EPB41L4A: variants seen among roughly 807,000 people sequenced by gnomAD.
EPB41L4A encodes band 4.1-like protein 4A.
EPB41L4A carries 100 observed loss-of-function variants against 108.6 expected under a neutral mutation model. That is an observed-to-expected ratio of 0.92 (90% CI 0.78 to 1.09). The LOEUF (loss-of-function observed/expected upper bound fraction) is 1.09. Among genes scored for constraint, EPB41L4A ranks in the 50% least tolerant of loss-of-function variants. The probability of loss-of-function intolerance (pLI) is 0.00; values close to 1 mark genes in which losing one functional copy is unlikely to be tolerated. For synonymous variants in EPB41L4A, 319 were observed against 289.0 expected, an observed-to-expected ratio of 1.10 and a Z score of -1.05; for missense variants, 1,030 against 842.7, an observed-to-expected ratio of 1.22 and a Z score of -2.75.
At chr5:112,353,756 C>G (rs1166006117) in intron 1 of EPB41L4A, among the ~76,000 whole-genome samples, 1 of 152,100 alleles carries the variant, frequency 6.6e-6, no homozygotes, top group African/African-American at 2.4e-5. Flanking sequence ...CTTGGGTCCC[C>G]AAACAGCACA....
intron 1 of EPB41L4A, among the ~76,000 whole-genome samples, chr5:112,409,048 C>A: frequency 6.6e-6 from 1 of 152,084 alleles, no homozygotes; most frequent in East Asian, 1.9e-4. Flanking sequence ...CATATCAATA[C>A]TATTTGTAAT....
At chr5:112,314,505 T>TAAAAAAAAAAAAAAAAAAAA (rs552428109) in intron 1 of EPB41L4A, among the ~76,000 whole-genome samples, 17 of 55,184 alleles carry the variant, frequency 3.1e-4, no homozygotes, top group South Asian at 1.2e-3. Flanking sequence ...CCATCGCTAC[T>TAAAAAAAAAAAAAAAAAAAA]AAAAAAAAAA....
At chr5:112,153,637 C>A (rs1442792376) in intron 12 of EPB41L4A, among the ~76,000 whole-genome samples, 1 of 148,958 alleles carries the variant, frequency 6.7e-6, no homozygotes, top group African/African-American at 2.5e-5. Context: ...TTAACAAATC[C>A]ATATCATAAT....
chr5:112,339,626 T>C (rs1757179266), intron 1 of EPB41L4A, among the ~76,000 whole-genome samples: 1 of 151,030 alleles, frequency 6.6e-6, no homozygotes, highest in African/African-American at 2.4e-5. Flanking sequence ...CTCTACCTCC[T>C]GGGTTCAAGC....
rs1748732538 is a variant in EPB41L4A at position 112,229,745 on chromosome 5, T to G, written c.1087+4889A>C. Among the ~76,000 whole-genome samples, 3 of 151,994 alleles carry G rather than the reference T, an allele frequency of 2.0e-5. No homozygotes were observed. In the South Asian group the frequency reaches 6.2e-4, roughly 32 times the overall value. On this transcript the variant is annotated intron_variant, in intron 12 of 22. Coordinates refer to ENST00000261486, the MANE Select transcript of EPB41L4A (RefSeq NM_022140.5). The stretch of plus-strand genomic sequence containing the variant: ...GGCTCACACCTGTAATCCCAGCACT[T>G]TCGGAGGCCAAGGCAGATGGATCAC...
intron 2 of EPB41L4A, among the ~76,000 whole-genome samples, chr5:112,280,604 A>G (rs1354003556): frequency 6.6e-6 from 1 of 152,200 alleles, no homozygotes; most frequent in East Asian, 1.9e-4. Context: ...ACCCTGGCCA[A>G]TATGGCATGA....
intron 1 of EPB41L4A, among the ~76,000 whole-genome samples, chr5:112,380,124 GA>G (rs1392325981): frequency 2.0e-5 from 3 of 152,128 alleles, no homozygotes; most frequent in Non-Finnish European, 2.9e-5. Context: ...TACTCCCAGA[GA>G]ACAGCTGCAG....
intron 1 of EPB41L4A, among the ~76,000 whole-genome samples, chr5:112,329,232 TTAAA>T (rs1311829884): frequency 6.6e-6 from 1 of 152,234 alleles, no homozygotes; most frequent in Non-Finnish European, 1.5e-5. Context: ...ATATATTGAA[TTAAA>T]TAAAACGTTA....
intron 12 of EPB41L4A, among the ~76,000 whole-genome samples, chr5:112,150,704 G>C (rs1381043451): frequency 6.6e-6 from 1 of 152,138 alleles, no homozygotes; most frequent in Non-Finnish European, 1.5e-5. Context: ...ATTTGGCAAG[G>C]AACAACCATT....
At chr5:112,273,617 T>C (rs1323198294) in intron 4 of EPB41L4A, among the ~76,000 whole-genome samples, 1 of 152,182 alleles carries the variant, frequency 6.6e-6, no homozygotes, top group East Asian at 1.9e-4. Context: ...ATATATATTA[T>C]TCCATTTAAT....
intron 1 of EPB41L4A, among the ~76,000 whole-genome samples, chr5:112,409,130 C>CTTT (rs879361294): frequency 0.012 from 1,768 of 152,214 alleles, 27 homozygotes; most frequent in South Asian, 0.038. Context: ...TACATCCATA[C>CTTT]AATGGAATAT....
At chr5:112,369,966 C>A (rs73214231) in intron 1 of EPB41L4A, among the ~76,000 whole-genome samples, 1 of 152,168 alleles carries the variant, frequency 6.6e-6, no homozygotes, top group Non-Finnish European at 1.5e-5. Context: ...CCTCTGCTCC[C>A]GATTTTATCC....
At chr5:112,416,297 A>G (rs1035824370) in intron 1 of EPB41L4A, among the ~76,000 whole-genome samples, 6 of 152,148 alleles carry the variant, frequency 3.9e-5, no homozygotes, top group Non-Finnish European at 8.8e-5. Flanking sequence ...TTAACTTGCT[A>G]TAATTAATCT....
chr5:112,327,163 G>A (rs1756223716), intron 1 of EPB41L4A, among the ~76,000 whole-genome samples: 1 of 152,134 alleles, frequency 6.6e-6, no homozygotes, highest in African/African-American at 2.4e-5. Context: ...CCTTCTAAGT[G>A]CATGGTCTTT....
In EPB41L4A at chr5:112,418,921, G is replaced by A. The variant is rs180916065; in HGVS notation, c.99+20C>T. On this transcript the variant is annotated intron_variant, in intron 1 of 22. Coordinates refer to ENST00000261486, the MANE Select transcript of EPB41L4A (RefSeq NM_022140.5). ...CCGCCCTGCCGCCAACCCCCGGAAC[G>A]CGCTCCGGGCCGCACCCACCTTGAT... 1.7e-3 allele frequency: 2,652 copies of A among 1,601,484 alleles called. 4 individuals are homozygous for A. Among genetic ancestry groups the A allele is most frequent in the Non-Finnish European group, 2.0e-3 (2,357 of 1,169,658 alleles).
intron 15 of EPB41L4A, among the ~76,000 whole-genome samples, chr5:112,198,397 G>A (rs1183951135): frequency 6.6e-6 from 1 of 152,018 alleles, no homozygotes; most frequent in African/African-American, 2.4e-5. Flanking sequence ...ATATTCCCAT[G>A]CCCCCTCCAA....
chr5:112,246,476 T>C (rs1750234523), intron 9 of EPB41L4A, among the ~76,000 whole-genome samples: 2 of 152,158 alleles, frequency 1.3e-5, no homozygotes, highest in Admixed American at 1.3e-4. Flanking sequence ...CAAACTCATT[T>C]AGCTAAAGGG....
At chr5:112,405,417 T>G (rs1158270414) in intron 1 of EPB41L4A, among the ~76,000 whole-genome samples, 1 of 152,226 alleles carries the variant, frequency 6.6e-6, no homozygotes, top group Non-Finnish European at 1.5e-5. Context: ...AAATACTGGT[T>G]CTTTTAAAGC....
chr5:112,353,574 A>G lies in EPB41L4A; in HGVS notation c.100-46084T>C, dbSNP rs571885176. On this transcript the variant is annotated intron_variant, in intron 1 of 22. Transcript: ENST00000261486. Reference sequence around the variant, plus strand: ...GTAGGCTCGGTGGGCCCATTTTCAGACCTGTGGGAGGTGTGTACAAATCCC... The same window carrying G: ...GTAGGCTCGGTGGGCCCATTTTCAGGCCTGTGGGAGGTGTGTACAAATCCC... Among the ~76,000 whole-genome samples the G allele has an allele frequency of 9.2e-5, 14 of 151,842 alleles. No individual in the cohort carries two copies. The East Asian group carries it at 2.7e-3, about 29-fold the overall frequency.
Sources: allele counts gnomAD v4.1 joint callset (sites outside exome capture counted in the v4.1 genomes callset), GRCh38; gene constraint gnomAD v4.1.1; transcripts MANE v1.5; gene names NCBI Gene and HGNC (gene_info 2026-07-23, HGNC 2026-07-21).